Variants in MOB3B observed in about 807,000 individuals in gnomAD.
MOB3B encodes the protein MOB kinase activator-like 2B.
Under a neutral mutation model 18.7 loss-of-function variants are expected in MOB3B, and 7 were observed. The observed-to-expected ratio is 0.37, with a 90% CI of 0.21 to 0.70. The LOEUF is 0.70. MOB3B is among the 30% of genes least tolerant of loss of function. The pLI, the probability that MOB3B is intolerant of heterozygous loss-of-function variation, is 0.52. For missense variants in MOB3B, 253 were observed against 281.3 expected, an observed-to-expected ratio of 0.90 and a Z score of 0.72; for synonymous variants, 111 against 99.9, an observed-to-expected ratio of 1.11 and a Z score of -0.66.
chr9:27,428,975 G>T (rs984426443), intron 2 of MOB3B, among the ~76,000 whole-genome samples: 3 of 152,156 alleles, frequency 2.0e-5, no homozygotes, highest in African/African-American at 4.8e-5. Context: ...GTTAAACTAA[G>T]GAAAATAAAC....
intron 1 of MOB3B, among the ~76,000 whole-genome samples, chr9:27,515,629 G>A (rs1820220457): frequency 6.6e-6 from 1 of 152,282 alleles, no homozygotes; most frequent in Middle Eastern, 3.4e-3. Flanking sequence ...TAAAGACAAT[G>A]TCTGGCTTAT....
chr9:27,502,811 T>G (rs988710487), intron 1 of MOB3B, among the ~76,000 whole-genome samples: 1 of 152,240 alleles, frequency 6.6e-6, no homozygotes, highest in African/African-American at 2.4e-5. Context: ...ATCTTCAGTC[T>G]TTCTAAAGAG....
intron 3 of MOB3B, among the ~76,000 whole-genome samples, chr9:27,358,622 G>A (rs1243797154): frequency 1.3e-5 from 2 of 152,314 alleles, no homozygotes; most frequent in East Asian, 3.9e-4. Context: ...CTAGCAGCTG[G>A]CACACAGTAG....
intron 1 of MOB3B, among the ~76,000 whole-genome samples, chr9:27,512,201 T>G (rs1032745838): frequency 2.6e-5 from 4 of 152,178 alleles, no homozygotes; most frequent in Non-Finnish European, 5.9e-5. Context: ...TCAAGTACCC[T>G]GGTTTTGAGC....
intron 1 of MOB3B, among the ~76,000 whole-genome samples, chr9:27,471,605 T>G (rs1465807015): frequency 1.3e-5 from 2 of 152,196 alleles, no homozygotes; most frequent in African/African-American, 2.4e-5. Context: ...CTTCTTCCAT[T>G]TCTGTAAAAT....
intron 1 of MOB3B, among the ~76,000 whole-genome samples, chr9:27,464,910 T>G (rs1819355860): frequency 6.6e-6 from 1 of 152,114 alleles, no homozygotes; most frequent in East Asian, 1.9e-4. Context: ...TATCTCCCCC[T>G]GGGTCCCTGC....
chr9:27,353,704 C>A (rs1283394929), intron 3 of MOB3B, among the ~76,000 whole-genome samples: 1 of 152,214 alleles, frequency 6.6e-6, no homozygotes, highest in Non-Finnish European at 1.5e-5. Flanking sequence ...CTGTCCTCCC[C>A]CTGCCCTAAT....
chr9:27,484,507 T>C (rs1481720106), intron 1 of MOB3B, among the ~76,000 whole-genome samples: 1 of 152,242 alleles, frequency 6.6e-6, no homozygotes, highest in African/African-American at 2.4e-5. Context: ...AAGTGCATTA[T>C]TTTTCATTTA....
intron 1 of MOB3B, among the ~76,000 whole-genome samples, chr9:27,504,376 AAT>A (rs1438164681): frequency 6.6e-6 from 1 of 152,232 alleles, no homozygotes; most frequent in Non-Finnish European, 1.5e-5. Flanking sequence ...ACCCTGTTCA[AAT>A]TTCAGTTACC....
intron 1 of MOB3B, among the ~76,000 whole-genome samples, chr9:27,492,571 C>T (rs113671437): frequency 2.0e-5 from 3 of 152,200 alleles, no homozygotes; most frequent in African/African-American, 7.2e-5. Context: ...AATTAGCAGA[C>T]CAATAGGATT....
intron 1 of MOB3B, among the ~76,000 whole-genome samples, chr9:27,456,602 G>A (rs1234911438): frequency 6.6e-6 from 1 of 152,196 alleles, no homozygotes; most frequent in Non-Finnish European, 1.5e-5. Flanking sequence ...GCTAACTTGA[G>A]TTGGTTCTGT....
At chr9:27,468,352 T>A (rs187407557) in intron 1 of MOB3B, among the ~76,000 whole-genome samples, 2 of 152,296 alleles carry the variant, frequency 1.3e-5, no homozygotes, top group Admixed American at 1.3e-4. Context: ...TCTGGGAACA[T>A]GATTATCAGA....
At chr9:27,415,259 C>T (rs1485318126) in intron 2 of MOB3B, among the ~76,000 whole-genome samples, 1 of 152,156 alleles carries the variant, frequency 6.6e-6, no homozygotes, top group African/African-American at 2.4e-5. Flanking sequence ...CAGTTTCTCT[C>T]AAACATAGGT....
intron 2 of MOB3B, among the ~76,000 whole-genome samples, chr9:27,373,472 A>G (rs544801716): frequency 6.6e-6 from 1 of 152,338 alleles, no homozygotes; most frequent in African/African-American, 2.4e-5. Flanking sequence ...AGGTCATGTT[A>G]TACCTAAGTT....
intron 2 of MOB3B, among the ~76,000 whole-genome samples, chr9:27,405,093 CTTTTTTTTTTTTT>C (rs74178386): frequency 3.3e-4 from 16 of 48,370 alleles, no homozygotes; most frequent in African/African-American, 6.2e-4. Flanking sequence ...GAACCTTTGT[CTTTTTTTTTTTTT>C]TTTTTTTTTT....
intron 2 of MOB3B, among the ~76,000 whole-genome samples, chr9:27,364,531 T>C (rs1370973683): frequency 6.6e-6 from 1 of 152,200 alleles, no homozygotes; most frequent in Non-Finnish European, 1.5e-5. Context: ...TTGCTTATAA[T>C]AGCTATTGAT....
At chr9:27,479,855 A>T (rs972550549) in intron 1 of MOB3B, among the ~76,000 whole-genome samples, 2 of 152,204 alleles carry the variant, frequency 1.3e-5, no homozygotes, top group African/African-American at 2.4e-5. Context: ...CAGGAGTTTA[A>T]GGCCAGCCTG....
intron 1 of MOB3B, among the ~76,000 whole-genome samples, chr9:27,457,136 C>T (rs916097909): frequency 6.6e-6 from 1 of 152,234 alleles, no homozygotes; most frequent in Non-Finnish European, 1.5e-5. Context: ...AATGCTTTCT[C>T]TACATGGCCA....
rs77389959 is a variant in MOB3B at position 27,395,138 on chromosome 9, T to C, written c.419-35902A>G. Among the ~76,000 whole-genome samples the C allele has an allele frequency of 1.4e-4, 21 of 152,336 alleles. No individual in the cohort carries two copies. In the East Asian group the frequency reaches 3.5e-3, roughly 25 times the overall value. On this transcript the variant is annotated intron_variant, in intron 2 of 3. Coordinates refer to ENST00000262244, the MANE Select transcript of MOB3B (RefSeq NM_024761.5). ...GGAGTCATTAAGTCGGGATGTCTTG[T>C]TGTAGAAGCATCAAAAGACCGCTGA...
Sources: allele counts gnomAD v4.1 joint callset (sites outside exome capture counted in the v4.1 genomes callset), GRCh38; gene constraint gnomAD v4.1.1; transcripts MANE v1.5; gene names NCBI Gene and HGNC (gene_info 2026-07-23, HGNC 2026-07-21).